TUSC3: variants seen among roughly 807,000 people sequenced by gnomAD.
TUSC3 encodes dolichyl-diphosphooligosaccharide--protein glycosyltransferase subunit TUSC3.
A neutral mutation model predicts 44.8 loss-of-function variants in TUSC3; 45 were observed. That is an observed-to-expected ratio of 1.00 (90% confidence interval 0.79 to 1.29). The LOEUF (loss-of-function observed/expected upper bound fraction) is 1.29. Among genes scored for constraint, TUSC3 ranks in the 50% most tolerant of loss-of-function variants. TUSC3 has a pLI of 0.00. For missense variants in TUSC3, 519 were observed against 437.9 expected (o/e 1.19, Z -1.65); for synonymous variants, 212 against 152.9 (o/e 1.39, Z -2.85).
chr8:15,421,375 CT>C lies in TUSC3; in HGVS notation n.91+4072del, dbSNP rs534916224. 3.2e-3 allele frequency among the ~76,000 whole-genome samples: 488 copies of C among 152,120 alleles called. 4 individuals are homozygous for C. The highest frequency in any genetic ancestry group is 0.011 in the African/African-American group (465 of 41,530). ...ACACAGGAGACACTACCTTTGAGCCCTTACGGTAGTAACTCTCTCTTGCTGC... is the reference window on the plus strand; with the variant it reads ...ACACAGGAGACACTACCTTTGAGCCCTACGGTAGTAACTCTCTCTTGCTGC... On this transcript the variant is annotated intron_variant and non_coding_transcript_variant, in intron 1 of 5. Transcript: ENST00000503191.
At chr8:15,584,588 T>G (rs1369054108) in intron 1 of TUSC3, among the ~76,000 whole-genome samples, 2 of 152,050 alleles carry the variant, frequency 1.3e-5, no homozygotes, top group African/African-American at 4.8e-5. Flanking sequence ...TATCTCTGAA[T>G]GGTAAGAAAT....
chr8:15,692,371 C>CCCCCCCT (rs1563175839), intron 6 of TUSC3, among the ~76,000 whole-genome samples: 5 of 18,824 alleles, frequency 2.7e-4, no homozygotes, highest in South Asian at 3.5e-3. Context: ...CCCCCCCCCC[C>CCCCCCCT]TTTGTTTTTT....
At chr8:15,440,613 T>C (rs898440611) in intron 1 of TUSC3, among the ~76,000 whole-genome samples, 7 of 152,180 alleles carry the variant, frequency 4.6e-5, no homozygotes, top group African/African-American at 1.7e-4. Flanking sequence ...AATATTAGAA[T>C]TGACTTAAGC....
chr8:15,421,949 T>C (rs560465741), intron 1 of TUSC3, among the ~76,000 whole-genome samples: 1 of 152,338 alleles, frequency 6.6e-6, no homozygotes, highest in East Asian at 1.9e-4. Flanking sequence ...ACTGCCACTG[T>C]CTTCTCTAGG....
intron 1 of TUSC3, among the ~76,000 whole-genome samples, chr8:15,569,870 T>A (rs1802807010): frequency 6.6e-6 from 1 of 152,016 alleles, no homozygotes; most frequent in African/African-American, 2.4e-5. Context: ...TTTAACATGT[T>A]GCTTTGGTGG....
At chr8:15,752,087 T>C (rs187393118) in intron 9 of TUSC3, among the ~76,000 whole-genome samples, 7 of 152,054 alleles carry the variant, frequency 4.6e-5, no homozygotes, top group African/African-American at 1.7e-4. Flanking sequence ...TGTCACAAGC[T>C]AAGTGGCTGG....
intron 1 of TUSC3, among the ~76,000 whole-genome samples, chr8:15,573,218 A>ATATATATG (rs1554516686): frequency 1.4e-5 from 2 of 139,464 alleles, no homozygotes; most frequent in Non-Finnish European, 3.1e-5. Flanking sequence ...ATATATATAT[A>ATATATATG]TATATATATA....
chr8:15,540,401 C>G lies in TUSC3; in HGVS notation c.-30C>G. ...GTAGGAGCTGGGCGCGCACGGCTAC[C>G]GCGCGTGGAGGAGACACTGCCCTGC... On this transcript the variant is annotated 5_prime_UTR_variant, in exon 1 of 11. Coordinates refer to ENST00000503731, the MANE Select transcript of TUSC3 (RefSeq NM_006765.4). 1 of 1,540,224 alleles carries G rather than the reference C, an allele frequency of 6.5e-7. No individual in the cohort carries two copies. The highest frequency in any genetic ancestry group is 8.7e-7 in the Non-Finnish European group (1 of 1,143,808).
intron 1 of TUSC3, among the ~76,000 whole-genome samples, chr8:15,458,490 C>G (rs986337148): frequency 2.6e-5 from 4 of 152,146 alleles, no homozygotes; most frequent in Non-Finnish European, 5.9e-5. Flanking sequence ...CCACCCACCT[C>G]GGCCTCCCAA....
At chr8:15,493,988 G>T (rs948061083) in intron 2 of TUSC3, among the ~76,000 whole-genome samples, 3 of 152,106 alleles carry the variant, frequency 2.0e-5, no homozygotes, top group Admixed American at 1.3e-4. Flanking sequence ...AGGCCAGCTG[G>T]TATTTACACA....
chr8:15,733,656 C>G (rs956352780), intron 7 of TUSC3: 1 of 154,878 alleles, frequency 6.5e-6, no homozygotes, highest in Non-Finnish European at 1.4e-5. Context: ...TGCTAATAGT[C>G]ATTATTTGTT....
chr8:15,617,555 A>C (rs1805052481), intron 1 of TUSC3, among the ~76,000 whole-genome samples: 1 of 152,132 alleles, frequency 6.6e-6, no homozygotes, highest in Admixed American at 6.5e-5. Flanking sequence ...TCTGACAGTG[A>C]TACAAAGCCA....
chr8:15,615,180 T>C (rs1056650384), intron 1 of TUSC3, among the ~76,000 whole-genome samples: 5 of 152,326 alleles, frequency 3.3e-5, no homozygotes, highest in South Asian at 2.1e-4. Context: ...TGAAGCATTA[T>C]TCACAATACC....
chr8:15,713,137 A>G (rs10283165), intron 6 of TUSC3, among the ~76,000 whole-genome samples: 61,540 of 152,076 alleles, frequency 0.4, 12,841 homozygotes, highest in East Asian at 0.56. Context: ...AAAGGTTGAA[A>G]TAATACATAA....
In TUSC3 at chr8:15,706,925, A is replaced by G. The variant is rs149568678; in HGVS notation, c.799-23741A>G. ...GCAAGAAGTTCATTCAGCCACCCAG[A>G]GCAACATAAAAAACTGATAATTAGG... On this transcript the variant is annotated intron_variant, in intron 6 of 10. Coordinates refer to ENST00000503731, the MANE Select transcript of TUSC3 (RefSeq NM_006765.4). Among the ~76,000 whole-genome samples, 805 of 152,094 alleles carry G rather than the reference A, an allele frequency of 5.3e-3. 9 individuals are homozygous for G. The highest frequency in any genetic ancestry group is 0.018 in the African/African-American group (765 of 41,540).
intron 2 of TUSC3, among the ~76,000 whole-genome samples, chr8:15,513,113 A>G (rs1406651124): frequency 7.9e-5 from 12 of 151,602 alleles, no homozygotes; most frequent in Admixed American, 7.9e-4. Flanking sequence ...CTAGCCACCT[A>G]AACAGTAAAT....
intron 3 of TUSC3, among the ~76,000 whole-genome samples, chr8:15,654,132 C>A (rs1327283455): frequency 3.3e-5 from 5 of 152,138 alleles, no homozygotes; most frequent in Middle Eastern, 3.2e-3. Context: ...TTTTTAAGAA[C>A]CTCTAAAGTT....
chr8:15,655,840 G>A (rs902206919), intron 3 of TUSC3, among the ~76,000 whole-genome samples: 2 of 152,138 alleles, frequency 1.3e-5, no homozygotes, highest in Non-Finnish European at 2.9e-5. Flanking sequence ...ATACTGGTGT[G>A]TAGCCTTCCT....
chr8:15,568,961 A>T (rs1028683847), intron 1 of TUSC3, among the ~76,000 whole-genome samples: 2 of 151,982 alleles, frequency 1.3e-5, no homozygotes, highest in Non-Finnish European at 2.9e-5. Flanking sequence ...TTCTTTAGTC[A>T]TTCAGGAGGA....
Sources: gnomAD v4.1 joint callset for allele counts (sites outside exome capture counted in the v4.1 genomes callset) on GRCh38, gnomAD v4.1.1 for gene constraint, MANE v1.5 for transcripts, NCBI Gene and HGNC (gene_info 2026-07-23, HGNC 2026-07-21) for gene names.